The following CSMD1 variants were observed in gnomAD, a reference collection of about 807,000 sequenced individuals.
CSMD1 encodes CUB and Sushi multiple domains 1.
Under a neutral mutation model 417.5 loss-of-function variants are expected in CSMD1, and 213 were observed. The ratio of observed to expected loss-of-function variants is 0.51; its 90% confidence interval spans 0.46 to 0.57. The LOEUF (loss-of-function observed/expected upper bound fraction) is 0.57. CSMD1 is among the 20% of genes least tolerant of loss of function. The probability of loss-of-function intolerance (pLI) is 0.00; values close to 1 mark genes in which losing one functional copy is unlikely to be tolerated. For missense variants in CSMD1, 6,923 were observed against 4,529.7 expected (o/e 1.53, Z -15.17); for synonymous variants, 2,862 against 1,736.8 (o/e 1.65, Z -16.11).
At chr8:3,997,600 G>T (rs1257238022) in intron 5 of CSMD1, among the ~76,000 whole-genome samples, 1 of 152,262 alleles carries the variant, frequency 6.6e-6, no homozygotes, top group East Asian at 1.9e-4. Context: ...AACAGCTTCA[G>T]ACCAAACCCA....
chr8:4,935,000 TCTATCTATAC>T (rs1807512395), intron 1 of CSMD1, among the ~76,000 whole-genome samples: 1 of 152,230 alleles, frequency 6.6e-6, no homozygotes, highest in Non-Finnish European at 1.5e-5. Context: ...ATATTCATCA[TCTATCTATAC>T]ATATCTATCT....
intron 12 of CSMD1, among the ~76,000 whole-genome samples, chr8:3,436,579 T>A (rs187900162): frequency 6.6e-6 from 1 of 152,206 alleles, no homozygotes; most frequent in African/African-American, 2.4e-5. Flanking sequence ...CTATATCTTA[T>A]AAATCTTACG....
intron 6 of CSMD1, among the ~76,000 whole-genome samples, chr8:3,714,878 C>T (rs545478351): frequency 2.6e-5 from 4 of 152,206 alleles, no homozygotes; most frequent in South Asian, 2.1e-4. Flanking sequence ...TTAAGTGAAA[C>T]ATGTTTTGAA....
At position 3,175,962 on chromosome 8, in the gene CSMD1, G is replaced by C. The variant is rs374751860; in HGVS notation, c.5725+5148C>G. 7.2e-5 allele frequency among the ~76,000 whole-genome samples: 11 copies of C among 152,210 alleles called. No individual in the cohort carries two copies. The East Asian group carries it at 1.2e-3, about 16-fold the overall frequency. On this transcript the variant is annotated intron_variant, in intron 37 of 69. Transcript: ENST00000635120. ...CATACATTAACACTAAAGAAGCTAG[G>C]ATAACTGCAACAGTCTTTTGCTTGA...
intron 21 of CSMD1, among the ~76,000 whole-genome samples, chr8:3,355,823 C>A (rs1260738738): frequency 6.6e-6 from 1 of 152,098 alleles, no homozygotes; most frequent in Admixed American, 6.5e-5. Flanking sequence ...AACTTTTTCT[C>A]TAATTTGCAA....
chr8:3,991,969 T>C (rs1814783542), intron 5 of CSMD1, among the ~76,000 whole-genome samples: 1 of 150,866 alleles, frequency 6.6e-6, no homozygotes, highest in East Asian at 2.1e-4. Context: ...TATTAAATGT[T>C]TTTTTACAAA....
rs554367012 is a variant in CSMD1 at position 4,972,459 on chromosome 8, T to C, written c.85+21873A>G. Among the ~76,000 whole-genome samples the C allele has an allele frequency of 2.6e-5, 4 of 152,322 alleles. 1 individual carries two copies. Among genetic ancestry groups the C allele is most frequent in the African/African-American group, 9.6e-5 (4 of 41,586 alleles). On this transcript the variant is annotated intron_variant, in intron 1 of 69. Transcript: ENST00000635120. ...TATAAGTGTTTGGTAGTTCTTCCTG[T>C]GTTCATTCTCCTTCCTGCCATCTTG...
At chr8:3,241,085 G>C (rs1206943173) in intron 26 of CSMD1, among the ~76,000 whole-genome samples, 2 of 150,930 alleles carry the variant, frequency 1.3e-5, no homozygotes, top group Non-Finnish European at 3.0e-5. Flanking sequence ...ACAAGAGGAG[G>C]ACGCAACGGA....
rs116497000 is a variant in CSMD1 at position 3,754,187 on chromosome 8, C to G, written c.819-145G>C. 2.4e-3 allele frequency: 1,207 copies of G among 502,920 alleles called. 17 individuals carry two copies. The highest frequency in any genetic ancestry group is 0.021 in the African/African-American group (1,113 of 52,306). The allele number at this position is 502,920 out of a possible 1,614,324, so 31.2% of individuals were successfully genotyped here. ...GGCCATGTATTAATTGACTTTGAAC[C>G]TTAAAACGATCAAGATGATTTTATC... is the stretch of plus-strand genomic sequence containing the variant. On this transcript the variant is annotated intron_variant, in intron 5 of 69. Transcript: ENST00000635120.
At chr8:3,738,949 T>C (rs1464604595) in intron 6 of CSMD1, among the ~76,000 whole-genome samples, 1 of 152,194 alleles carries the variant, frequency 6.6e-6, no homozygotes, top group Non-Finnish European at 1.5e-5. Flanking sequence ...CGCATATTTG[T>C]ATGCACAAAA....
chr8:3,921,180 A>C (rs1399243218), intron 5 of CSMD1, among the ~76,000 whole-genome samples: 4 of 152,034 alleles, frequency 2.6e-5, no homozygotes, highest in Admixed American at 6.6e-5. Context: ...TTTATTTACG[A>C]TTCATCTTGG....
intron 26 of CSMD1, among the ~76,000 whole-genome samples, chr8:3,230,899 G>C (rs1236419075): frequency 6.6e-6 from 1 of 152,140 alleles, no homozygotes; most frequent in Non-Finnish European, 1.5e-5. Context: ...TCTCAAATCT[G>C]CTGAGTAGAG....
chr8:4,176,304 C>G (rs1361316004), intron 3 of CSMD1, among the ~76,000 whole-genome samples: 4 of 152,086 alleles, frequency 2.6e-5, no homozygotes, highest in East Asian at 1.9e-4. Flanking sequence ...AAGTGTCCAT[C>G]TTATCTATAT....
chr8:3,273,165 C>T (rs1279189085), intron 26 of CSMD1, among the ~76,000 whole-genome samples: 1 of 151,056 alleles, frequency 6.6e-6, no homozygotes, highest in African/African-American at 2.4e-5. Context: ...TTGTCAAAGG[C>T]CTTTTCTGCG....
At position 4,465,680 on chromosome 8, in the gene CSMD1, T is replaced by C. The variant is rs115789729; in HGVS notation, c.303-45615A>G. On this transcript the variant is annotated intron_variant, in intron 2 of 69. Coordinates refer to ENST00000635120, the MANE Select transcript of CSMD1 (RefSeq NM_033225.6). ...TACTGGAGAGATGAAATTCACTTTA[T>C]TGCTCTGACCATTAAAGGAAGAAGA... Among the ~76,000 whole-genome samples the C allele has an allele frequency of 3.4e-3, 519 of 152,296 alleles. 7 individuals are homozygous for C. The highest frequency in any genetic ancestry group is 0.012 in the African/African-American group (497 of 41,564).
In CSMD1 at chr8:3,288,728, T is replaced by C. The variant is rs188890131; in HGVS notation, c.3951-4382A>G. ...TTTCTTGATAGCAGTTTATCAATTTTGTTGATCTTTTCAAAAAACCAGCTC... is the reference window on the plus strand; with the variant it reads ...TTTCTTGATAGCAGTTTATCAATTTCGTTGATCTTTTCAAAAAACCAGCTC... On this transcript the variant is annotated intron_variant, in intron 25 of 69. Transcript: ENST00000635120. Among the ~76,000 whole-genome samples the C allele has an allele frequency of 1.1e-4, 16 of 147,394 alleles. 1 individual carries two copies. Among genetic ancestry groups the C allele is most frequent in the Admixed American group, 2.7e-4 (4 of 14,964 alleles).
intron 5 of CSMD1, among the ~76,000 whole-genome samples, chr8:3,798,972 A>G (rs956929588): frequency 1.3e-5 from 2 of 152,068 alleles, no homozygotes; most frequent in Admixed American, 1.3e-4. Context: ...ATTTATATAT[A>G]TGGGTGAATA....
intron 7 of CSMD1, among the ~76,000 whole-genome samples, chr8:3,675,868 C>G (rs557644194): frequency 6.6e-6 from 1 of 152,294 alleles, no homozygotes; most frequent in East Asian, 1.9e-4. Flanking sequence ...TCTAGACTAA[C>G]GCTACTTCTC....
At chr8:4,883,524 A>G (rs1803544411) in intron 1 of CSMD1, among the ~76,000 whole-genome samples, 1 of 152,118 alleles carries the variant, frequency 6.6e-6, no homozygotes, top group African/African-American at 2.4e-5. Flanking sequence ...AACCACTACC[A>G]TATTTTCCAA....
Sources: allele counts gnomAD v4.1 joint callset (sites outside exome capture counted in the v4.1 genomes callset), GRCh38; gene constraint gnomAD v4.1.1; transcripts MANE v1.5; gene names NCBI Gene and HGNC (gene_info 2026-07-23, HGNC 2026-07-21).